Variants in ALG8 observed in about 807,000 individuals in gnomAD.
The protein encoded by ALG8 is dolichyl pyrophosphate Glc1Man9GlcNAc2 alpha-1,3-glucosyltransferase.
Under a neutral mutation model 70.2 loss-of-function variants are expected in ALG8, and 48 were observed. The observed-to-expected ratio is 0.68, with a 90% CI of 0.54 to 0.87. The LOEUF is 0.87. Among genes scored for constraint, ALG8 ranks in the 40% least tolerant of loss-of-function variants. The pLI, the probability that ALG8 is intolerant of heterozygous loss-of-function variation, is 0.00. For missense variants in ALG8, 572 were observed against 608.7 expected, an observed-to-expected ratio of 0.94 and a Z score of 0.64; for synonymous variants, 234 against 229.0, an observed-to-expected ratio of 1.02 and a Z score of -0.20.
At chr11:78,136,518 T>C (rs1012970402) in intron 1 of ALG8, among the ~76,000 whole-genome samples, 2 of 151,842 alleles carry the variant, frequency 1.3e-5, no homozygotes, top group Non-Finnish European at 2.9e-5. Context: ...CCCTGGGAGA[T>C]AGAGCGAGAC....
intron 6 of ALG8, 41 bp from the exon 7 acceptor site, chr11:78,114,030 AG>A: frequency 1.3e-6 from 2 of 1,526,324 alleles, no homozygotes; most frequent in Middle Eastern, 3.4e-4. Context: ...GAAGATGGAA[AG>A]GAACATTAAC....
chr11:78,129,966 T>C (rs551642), intron 1 of ALG8, among the ~76,000 whole-genome samples: 33,084 of 151,948 alleles, frequency 0.22, 4,446 homozygotes, highest in African/African-American at 0.38. Context: ...AGAGAATAGA[T>C]TGTATGATTA....
rs1860061634 is a variant in ALG8 at position 78,106,944 on chromosome 11, G to C, written c.1041C>G (p.Pro347=). The change falls in exon 10 of 13, where the codon CCC becomes CCG. Residue 347 remains proline, a splice_region_variant and synonymous_variant. Coordinates refer to ENST00000299626, the MANE Select transcript of ALG8 (RefSeq NM_024079.5). ...TLICTLIAIL[P]SIFCLWFKPQ... Reference sequence around the variant, plus strand: ...GTTTAAACCAAAGACAGAAAATAGAGGGCTAGAAACAACAGGCAAAGATAA... The same window carrying C: ...GTTTAAACCAAAGACAGAAAATAGACGGCTAGAAACAACAGGCAAAGATAA... The C allele has an allele frequency of 6.2e-7, 1 of 1,613,864 alleles. No homozygotes were observed. The highest frequency in any genetic ancestry group is 1.1e-5 in the South Asian group (1 of 91,076).
chr11:78,124,037 CAA>C lies in ALG8; in HGVS notation c.350_351del (p.Phe117CysfsTer6), dbSNP rs1860948314. 6.2e-7 allele frequency: 1 copy of C among 1,613,942 alleles called. No homozygotes were observed. The highest frequency in any genetic ancestry group is 8.5e-7 in the Non-Finnish European group (1 of 1,180,014). ...CAGACTTACTCACGGACAGCATACA[CAA>C]AGAGTACATCCATAAAGATGACGGA... ...RFSVIFMDVL[F>X]VYAVRECCKC... On this transcript the variant is annotated frameshift_variant, in exon 3 of 13. Coordinates refer to ENST00000299626, the MANE Select transcript of ALG8 (RefSeq NM_024079.5). LOFTEE classifies it high-confidence loss of function.
rs759129215 is a variant in ALG8 at position 78,101,006 on chromosome 11, T to C, written c.1539A>G (p.Ser513=). The part of the protein sequence containing the change: ...ITYAWFKLYV[S]VLIDSAIGKT... ...TGCCAATAGCAGAGTCAATCAATACTGAAACATACAGTTTGAACCAAGCAT... is the reference window on the plus strand; with the variant it reads ...TGCCAATAGCAGAGTCAATCAATACCGAAACATACAGTTTGAACCAAGCAT... Residue 513 remains serine, a synonymous_variant, in exon 13 of 13, where the codon TCA becomes TCG. Transcript: ENST00000299626. 6.2e-7 allele frequency: 1 copy of C among 1,614,240 alleles called. No individual in the cohort carries two copies. Among genetic ancestry groups the C allele is most frequent in the Non-Finnish European group, 8.5e-7 (1 of 1,180,030 alleles).
Position 78,139,544 on chromosome 11 carries a change from C to A in ALG8, c.45G>T (p.Ser15=), listed in dbSNP as rs776414254. 2.5e-5 allele frequency: 39 copies of A among 1,563,830 alleles called. No homozygotes were observed. Among genetic ancestry groups the A allele is most frequent in the South Asian group, 1.2e-4 (10 of 84,920 alleles). Residue 15 remains serine, a synonymous_variant, in exon 1 of 13, where the codon TCG becomes TCT. Coordinates refer to ENST00000299626, the MANE Select transcript of ALG8 (RefSeq NM_024079.5). The part of the protein sequence containing the change: ...TIATGTGNWF[S]ALALGVTLLK... Reference sequence around the variant, plus strand: ...GAAGAGTCACCCCGAGCGCCAAAGCCGAAAACCAATTGCCAGTACCCGTGG... The same window carrying A: ...GAAGAGTCACCCCGAGCGCCAAAGCAGAAAACCAATTGCCAGTACCCGTGG...
rs1301455702 is a variant in ALG8 at position 78,124,046 on chromosome 11, C to A, written c.343G>T (p.Val115Leu). ...TCACGGACAGCATACACAAAGAGTA[C>A]ATCCATAAAGATGACGGAAAATCTC... Reference protein sequence around the residue: ...FQRFSVIFMDVLFVYAVRECC... With the variant: ...FQRFSVIFMDLLFVYAVRECC... Residue 115 changes from valine to leucine, a missense_variant, in exon 3 of 13, where the codon GTA becomes TTA. Coordinates refer to ENST00000299626, the MANE Select transcript of ALG8 (RefSeq NM_024079.5). 1 of 1,614,072 alleles carries A rather than the reference C, an allele frequency of 6.2e-7. No individual in the cohort carries two copies. The highest frequency in any genetic ancestry group is 8.5e-7 in the Non-Finnish European group (1 of 1,180,010).
intron 1 of ALG8, among the ~76,000 whole-genome samples, chr11:78,127,712 CTTTTT>C (rs1192507872): frequency 7.5e-6 from 1 of 132,910 alleles, no homozygotes; most frequent in Non-Finnish European, 1.6e-5. Flanking sequence ...TTTTTCTTTT[CTTTTT>C]TTTTTTTTTT....
chr11:78,134,252 C>G (rs1296350969), intron 1 of ALG8, among the ~76,000 whole-genome samples: 2 of 152,046 alleles, frequency 1.3e-5, no homozygotes. Context: ...ATTCTCCTGC[C>G]TCAGCCTCCT....
intron 3 of ALG8, 141 bp downstream of exon 3, chr11:78,123,880 A>C: frequency 1.0e-6 from 1 of 954,294 alleles, no homozygotes; most frequent in Non-Finnish European, 1.6e-6. Context: ...TGTAGTTTAA[A>C]GCACAATACA....
chr11:78,104,284 T>C (rs767056919), intron 11 of ALG8, 72 bp downstream of exon 11: 7 of 1,313,726 alleles, frequency 5.3e-6, no homozygotes, highest in African/African-American at 4.5e-5. Flanking sequence ...TTAAATTAGA[T>C]GTATTAATCT....
intron 9 of ALG8, chr11:78,107,726 CAG>C: frequency 4.4e-6 from 1 of 229,864 alleles, no homozygotes; most frequent in Non-Finnish European, 9.1e-6. Flanking sequence ...CCTGTATTCC[CAG>C]GTACTCTGGA....
At chr11:78,129,105 TAA>T (rs1302651342) in intron 1 of ALG8, among the ~76,000 whole-genome samples, 2 of 151,838 alleles carry the variant, frequency 1.3e-5, no homozygotes, top group African/African-American at 4.8e-5. Flanking sequence ...GTATGCTCAC[TAA>T]AAGACACGTA....
intron 1 of ALG8, among the ~76,000 whole-genome samples, chr11:78,132,571 T>TA (rs1427026984): frequency 2.0e-5 from 3 of 152,216 alleles, no homozygotes; most frequent in African/African-American, 7.2e-5. Flanking sequence ...TCTCTGTTGC[T>TA]TATTCCATGC....
At position 78,107,082 on chromosome 11, in the gene ALG8, T is replaced by A. The variant is rs912370776; in HGVS notation, c.1039-136A>T. On this transcript the variant is annotated intron_variant, in intron 9 of 12. Coordinates refer to ENST00000299626, the MANE Select transcript of ALG8 (RefSeq NM_024079.5). Reference sequence around the variant, plus strand: ...ACAATTCTTCATGAAACCGAATCATTCATCACTTTGTGCACAGTCTAACAA... The same window carrying A: ...ACAATTCTTCATGAAACCGAATCATACATCACTTTGTGCACAGTCTAACAA... The A allele has an allele frequency of 7.0e-6, 8 of 1,147,342 alleles. No homozygotes were observed. The African/African-American group carries it at 1.2e-4, about 18-fold the overall frequency. 71.1% of individuals were successfully genotyped at this position (1,147,342 alleles called of 1,614,324 possible).
At chr11:78,111,843 G>A (rs905607818) in intron 8 of ALG8, among the ~76,000 whole-genome samples, 11 of 152,088 alleles carry the variant, frequency 7.2e-5, no homozygotes, top group Middle Eastern at 3.2e-3. Context: ...TTTTCATTAC[G>A]ACCCAATTTT....
chr11:78,113,797 C>A (rs1860423208), intron 7 of ALG8, 89 bp downstream of exon 7: 145 of 957,840 alleles, frequency 1.5e-4, no homozygotes, highest in East Asian at 2.1e-4. Flanking sequence ...GTAGCTTTTA[C>A]TTATTTTACA....
intron 5 of ALG8, among the ~76,000 whole-genome samples, chr11:78,118,957 G>A (rs1430342434): frequency 2.0e-5 from 3 of 152,092 alleles, no homozygotes; most frequent in East Asian, 3.9e-4. Flanking sequence ...CAGGCCTGCC[G>A]CATGCTAACA....
At chr11:78,114,492 T>G in intron 5 of ALG8, 100 bp from the exon 6 acceptor site, 1 of 1,421,966 alleles carries the variant, frequency 7.0e-7, no homozygotes, top group Non-Finnish European at 9.7e-7. Context: ...ACAAGGACAT[T>G]AAAGGAAAAA....
Sources: allele counts gnomAD v4.1 joint callset (sites outside exome capture counted in the v4.1 genomes callset), GRCh38; gene constraint gnomAD v4.1.1; transcripts MANE v1.5; gene names NCBI Gene and HGNC (gene_info 2026-07-23, HGNC 2026-07-21).